Variants in RSPH9 observed in about 807,000 individuals in gnomAD.
RSPH9 encodes radial spoke head protein 9 homolog.
In RSPH9, 27 loss-of-function variants were observed where a neutral mutation model predicts 27.0. The ratio of observed to expected loss-of-function variants is 1.00; its 90% CI spans 0.74 to 1.38. The LOEUF is 1.38. Ranked by LOEUF, RSPH9 falls within the 40% of genes most tolerant of loss-of-function variation. RSPH9 has a pLI of 0.00. For synonymous variants in RSPH9, 145 were observed against 147.7 expected (o/e 0.98, Z 0.13); for missense variants, 347 against 357.4 (o/e 0.97, Z 0.24).
intron 3 of RSPH9, 141 bp from the exon 4 acceptor site, chr6:43,656,436 A>G: frequency 1.0e-6 from 1 of 981,914 alleles, no homozygotes; most frequent in Non-Finnish European, 1.6e-6. Context: ...AGGGAATGCT[A>G]ATCCCTTTCC....
chr6:43,664,898 C>T (rs913357279), intron 4 of RSPH9, among the ~76,000 whole-genome samples: 10 of 152,180 alleles, frequency 6.6e-5, no homozygotes, highest in African/African-American at 1.9e-4. Context: ...CCTGGAACGG[C>T]GGTGGTGATG....
intron 1 of RSPH9, among the ~76,000 whole-genome samples, chr6:43,647,607 C>G (rs1236758631): frequency 6.6e-6 from 1 of 152,112 alleles, no homozygotes; most frequent in Non-Finnish European, 1.5e-5. Flanking sequence ...CAGCACCACT[C>G]AGTAGGAGAG....
At chr6:43,656,065 C>T (rs926073931) in intron 3 of RSPH9, among the ~76,000 whole-genome samples, 3 of 145,844 alleles carry the variant, frequency 2.1e-5, no homozygotes, top group South Asian at 2.2e-4. Flanking sequence ...CCCTTCTTTC[C>T]CTCCTTCCCT....
Position 43,655,569 on chromosome 6 carries a change from T to A in RSPH9, c.401T>A (p.Ile134Asn). 6.2e-7 allele frequency: 1 copy of A among 1,613,888 alleles called. No homozygotes were observed. The highest frequency in any genetic ancestry group is 8.5e-7 in the Non-Finnish European group (1 of 1,179,958). Residue 134 changes from isoleucine to asparagine, a missense_variant, in exon 3 of 5, where the codon ATC (isoleucine) becomes AAC (asparagine). Ile to Asn is a moderately radical substitution (Grantham distance 149). Transcript: ENST00000372163. The part of the protein sequence containing the change: ...KVFEEEIVVQ[I>N]KEETRLVSVI... ...CCTCTCCTGTCTCCTCAGGTCCAGA[T>A]CAAGGAAGAGACCCGCTTGGTGTCT... is the stretch of plus-strand genomic sequence containing the variant.
At chr6:43,657,168 G>A (rs1268565992) in intron 4 of RSPH9, among the ~76,000 whole-genome samples, 2 of 152,216 alleles carry the variant, frequency 1.3e-5, no homozygotes, top group Non-Finnish European at 2.9e-5. Flanking sequence ...AGAAGAGCAT[G>A]TCCTTGGATT....
At chr6:43,654,766 T>G (rs1771836971) in intron 2 of RSPH9, among the ~76,000 whole-genome samples, 1 of 152,174 alleles carries the variant, frequency 6.6e-6, no homozygotes, top group Admixed American at 6.6e-5. Context: ...GGGATTGCAG[T>G]GAGCTGAGAT....
chr6:43,648,530 G>A (rs908955830), intron 1 of RSPH9, among the ~76,000 whole-genome samples: 1 of 152,226 alleles, frequency 6.6e-6, no homozygotes, highest in African/African-American at 2.4e-5. Context: ...CAAGGTCAGA[G>A]AGGTGAGGAG....
chr6:43,652,101 T>C (rs1349918781), intron 2 of RSPH9, among the ~76,000 whole-genome samples: 1 of 151,334 alleles, frequency 6.6e-6, no homozygotes. Context: ...CGTCAGGAGA[T>C]TGAGACCATC....
chr6:43,665,295 C>T (rs566573688), intron 4 of RSPH9, among the ~76,000 whole-genome samples: 2 of 152,352 alleles, frequency 1.3e-5, no homozygotes, highest in East Asian at 3.9e-4. Flanking sequence ...AGCTGTCTTT[C>T]CTTGCAACAG....
Position 43,672,304 on chromosome 6 carries a change from A to G in RSPH9, c.*1355A>G. On this transcript the variant is annotated 3_prime_UTR_variant, in exon 5 of 5. Transcript: ENST00000372163. ...CTGGAGGAACCCATTGCTCTTCCCCATTTGGCTCACTCAGCTACCCCAACC... is the reference window on the plus strand; with the variant it reads ...CTGGAGGAACCCATTGCTCTTCCCCGTTTGGCTCACTCAGCTACCCCAACC... 1 of 458,622 alleles carries G rather than the reference A, an allele frequency of 2.2e-6. No homozygotes were observed. The highest frequency in any genetic ancestry group is 1.6e-5 in the South Asian group (1 of 63,582). 28.4% of individuals were successfully genotyped at this position (458,622 alleles called of 1,614,324 possible). A position where few individuals can be genotyped will look rare whatever the true frequency, so the allele number is the denominator to read the frequency against.
chr6:43,671,396 C>A lies in RSPH9; in HGVS notation c.*447C>A. 1 of 401,446 alleles carries A rather than the reference C, an allele frequency of 2.5e-6. No homozygotes were observed. Among genetic ancestry groups the A allele is most frequent in the South Asian group, 2.7e-5 (1 of 36,806 alleles). The allele number at this position is 401,446 out of a possible 1,614,324, so 24.9% of individuals were successfully genotyped here. A position where few individuals can be genotyped will look rare whatever the true frequency, so the allele number is the denominator to read the frequency against. On this transcript the variant is annotated 3_prime_UTR_variant, in exon 5 of 5. Transcript: ENST00000372163. ...CAGTGACTCAATGCTCAGCACCCAG[C>A]TGGCAATGTGCCCAGGACCCCCTGC...
At chr6:43,655,996 C>A (rs866401254) in intron 3 of RSPH9, among the ~76,000 whole-genome samples, 5 of 116,544 alleles carry the variant, frequency 4.3e-5, no homozygotes, top group South Asian at 3.2e-4. Flanking sequence ...GGACTTCCTT[C>A]CTTCCTTCCT....
At chr6:43,665,251 C>T (rs986038991) in intron 4 of RSPH9, among the ~76,000 whole-genome samples, 6 of 152,208 alleles carry the variant, frequency 3.9e-5, no homozygotes, top group Non-Finnish European at 8.8e-5. Context: ...CCTATCTGCC[C>T]TCTGCTGTCT....
In RSPH9 at chr6:43,662,370, C is replaced by CTTT. The variant is rs202057084; in HGVS notation, c.670+5659_670+5661dup. 8.3e-5 allele frequency among the ~76,000 whole-genome samples: 12 copies of CTTT among 143,816 alleles called. No individual in the cohort carries two copies. The South Asian group carries it at 1.3e-3, about 16-fold the overall frequency. 94.3% of individuals were successfully genotyped at this position (143,816 alleles called of 152,430 possible). On this transcript the variant is annotated intron_variant, in intron 4 of 4. Coordinates refer to ENST00000372163, the MANE Select transcript of RSPH9 (RefSeq NM_152732.5). ...ATCAGCAAGAAGGCTGTTTCACTTT[C>CTTT]TTTTTTTTTTTTTTGAGACGGAGTC...
At position 43,647,495 on chromosome 6, in the gene RSPH9, T is replaced by G. The variant is rs531400437; in HGVS notation, c.227+2170T>G. 2.6e-5 allele frequency among the ~76,000 whole-genome samples: 4 copies of G among 152,234 alleles called. No individual in the cohort carries two copies. In the South Asian group the frequency reaches 8.3e-4, roughly 32 times the overall value. ...AGGTGATGGGTTGGAAAGATTTAAG[T>G]GCTAGAATTGTCAGGACATGTAACT... On this transcript the variant is annotated intron_variant, in intron 1 of 4. Coordinates refer to ENST00000372163, the MANE Select transcript of RSPH9 (RefSeq NM_152732.5).
intron 4 of RSPH9, among the ~76,000 whole-genome samples, chr6:43,658,010 C>T (rs1211016089): frequency 6.6e-6 from 1 of 152,166 alleles, no homozygotes; most frequent in Non-Finnish European, 1.5e-5. Flanking sequence ...AACACACCAG[C>T]CGGGTGCGGT....
chr6:43,669,145 C>A (rs1007599531), intron 4 of RSPH9, among the ~76,000 whole-genome samples: 1 of 152,178 alleles, frequency 6.6e-6, no homozygotes, highest in Non-Finnish European at 1.5e-5. Context: ...CAGCCGGAGC[C>A]CCGCTAACAC....
intron 4 of RSPH9, among the ~76,000 whole-genome samples, chr6:43,658,932 C>T (rs1027252249): frequency 2.0e-5 from 3 of 152,130 alleles, no homozygotes; most frequent in Non-Finnish European, 4.4e-5. Context: ...CGTGATCTGC[C>T]CGCTTCAGCC....
chr6:43,663,177 C>A (rs1054733418), intron 4 of RSPH9, among the ~76,000 whole-genome samples: 1 of 152,078 alleles, frequency 6.6e-6, no homozygotes, highest in African/African-American at 2.4e-5. Flanking sequence ...GCGTGAGATT[C>A]TTCCTTTCAC....
Sources: allele counts gnomAD v4.1 joint callset (sites outside exome capture counted in the v4.1 genomes callset), GRCh38; gene constraint gnomAD v4.1.1; transcripts MANE v1.5; gene names NCBI Gene and HGNC (gene_info 2026-07-23, HGNC 2026-07-21).